The following DPYD variants were observed in gnomAD, a reference collection of about 807,000 sequenced individuals.
The protein encoded by DPYD is dihydropyrimidine dehydrogenase [NADP(+)].
DPYD carries 109 observed loss-of-function variants against 116.2 expected under a neutral mutation model. The observed-to-expected ratio is 0.94, with a 90% CI of 0.80 to 1.10. The LOEUF (loss-of-function observed/expected upper bound fraction) is 1.10, where lower values mean the gene tolerates loss of function less well. Ranked by LOEUF, DPYD falls within the 50% of genes least tolerant of loss-of-function variation. The pLI is 0.00. For missense variants in DPYD, 1,302 were observed against 1,254.5 expected (o/e 1.04, Z -0.57); for synonymous variants, 440 against 432.0 (o/e 1.02, Z -0.23).
At chr1:97,677,911 G>A (rs981075178) in intron 8 of DPYD, among the ~76,000 whole-genome samples, 5 of 152,172 alleles carry the variant, frequency 3.3e-5, no homozygotes, top group Non-Finnish European at 7.3e-5. Flanking sequence ...CTCAGTGTGT[G>A]ATCACTTAAA....
chr1:97,351,924 C>G (rs985762314), intron 16 of DPYD, among the ~76,000 whole-genome samples: 15 of 152,088 alleles, frequency 9.9e-5, no homozygotes, highest in African/African-American at 2.7e-4. Flanking sequence ...CTATACATCT[C>G]AATTCAATTT....
At chr1:97,896,787 T>C (rs1673093098) in intron 1 of DPYD, among the ~76,000 whole-genome samples, 1 of 151,928 alleles carries the variant, frequency 6.6e-6, no homozygotes, top group African/African-American at 2.4e-5. Flanking sequence ...ACATGTCATA[T>C]AAATGGAATC....
At chr1:97,501,811 C>T (rs372531407) in intron 13 of DPYD, among the ~76,000 whole-genome samples, 20 of 152,036 alleles carry the variant, frequency 1.3e-4, no homozygotes, top group Middle Eastern at 3.4e-3. Flanking sequence ...GAGTCAGCTA[C>T]GAAGAAATCA....
intron 19 of DPYD, among the ~76,000 whole-genome samples, chr1:97,219,340 TG>T (rs1415667075): frequency 6.6e-6 from 1 of 152,230 alleles, no homozygotes. Context: ...TCTGAACCCT[TG>T]GGAAAATTTT....
chr1:97,700,171 G>A (rs1216640653), intron 5 of DPYD: 1 of 454,026 alleles, frequency 2.2e-6, no homozygotes, highest in East Asian at 7.0e-5. Flanking sequence ...TTTCCCCTGA[G>A]GGATTTGCGA....
At chr1:97,619,845 G>T (rs1416465587) in intron 8 of DPYD, among the ~76,000 whole-genome samples, 2 of 152,052 alleles carry the variant, frequency 1.3e-5, no homozygotes, top group Non-Finnish European at 2.9e-5. Context: ...ATTGCCAGTG[G>T]CATTTGTGCC....
intron 13 of DPYD, among the ~76,000 whole-genome samples, chr1:97,483,282 T>G (rs1297701989): frequency 6.6e-6 from 1 of 152,216 alleles, no homozygotes; most frequent in Non-Finnish European, 1.5e-5. Context: ...GTGTTCACTT[T>G]CTTCATTTAT....
chr1:97,586,465 C>CATATATATATAT (rs57301424), intron 10 of DPYD, among the ~76,000 whole-genome samples: 3 of 34,316 alleles, frequency 8.7e-5, no homozygotes, highest in African/African-American at 9.7e-5. Context: ...TACATACATA[C>CATATATATATAT]ATATATATAT....
At chr1:97,118,396 C>A (rs1361562831) in intron 20 of DPYD, among the ~76,000 whole-genome samples, 1 of 151,212 alleles carries the variant, frequency 6.6e-6, no homozygotes, top group Non-Finnish European at 1.5e-5. Flanking sequence ...TTCTTTTTAA[C>A]ATTTTTTTTT....
chr1:97,646,263 T>C (rs1658251437), intron 8 of DPYD, among the ~76,000 whole-genome samples: 1 of 152,082 alleles, frequency 6.6e-6, no homozygotes. Flanking sequence ...TTTGATTGTT[T>C]CCTTTGGTTA....
intron 13 of DPYD, among the ~76,000 whole-genome samples, chr1:97,485,806 G>A (rs1678602003): frequency 6.6e-6 from 1 of 152,152 alleles, no homozygotes; most frequent in Non-Finnish European, 1.5e-5. Context: ...AGTTGGCTAA[G>A]TAACTTACAA....
intron 21 of DPYD, among the ~76,000 whole-genome samples, chr1:97,094,809 A>C (rs182941746): frequency 1.4e-4 from 21 of 152,254 alleles, no homozygotes; most frequent in Admixed American, 3.9e-4. Context: ...GGAAGCAGAG[A>C]GGTGAATACA....
intron 11 of DPYD, among the ~76,000 whole-genome samples, chr1:97,567,321 C>A (rs1471066861): frequency 6.7e-6 from 1 of 148,620 alleles, no homozygotes; most frequent in Non-Finnish European, 1.5e-5. Context: ...GATTTAAAAA[C>A]CTTTTTTTTT....
chr1:97,429,165 C>A (rs1675035504), intron 14 of DPYD, among the ~76,000 whole-genome samples: 3 of 151,788 alleles, frequency 2.0e-5, no homozygotes, highest in African/African-American at 7.3e-5. Context: ...AACTATTAAC[C>A]AGGGTAACCT....
chr1:97,758,634 T>C (rs1358634414), intron 3 of DPYD, among the ~76,000 whole-genome samples: 1 of 152,200 alleles, frequency 6.6e-6, no homozygotes, highest in African/African-American at 2.4e-5. Flanking sequence ...ATATAGAATG[T>C]TTCCAGCTTC....
chr1:97,695,769 A>G (rs1286788901), intron 6 of DPYD, among the ~76,000 whole-genome samples: 7 of 152,136 alleles, frequency 4.6e-5, no homozygotes, highest in African/African-American at 1.7e-4. Flanking sequence ...AACTAAAGGA[A>G]GAATGAATTT....
intron 11 of DPYD, among the ~76,000 whole-genome samples, chr1:97,566,908 A>G (rs1377781351): frequency 1.3e-5 from 2 of 152,194 alleles, no homozygotes; most frequent in African/African-American, 4.8e-5. Flanking sequence ...TTACATTTTA[A>G]TAAGGAGTAA....
At chr1:97,795,131 G>A (rs971225664) in intron 3 of DPYD, among the ~76,000 whole-genome samples, 13 of 152,014 alleles carry the variant, frequency 8.6e-5, no homozygotes, top group Non-Finnish European at 1.9e-4. Flanking sequence ...TCCAGTTAAA[G>A]TCATACTTCT....
chr1:97,414,221 A>G (rs1674167647), intron 14 of DPYD, among the ~76,000 whole-genome samples: 2 of 152,184 alleles, frequency 1.3e-5, no homozygotes, highest in South Asian at 2.1e-4. Flanking sequence ...ATTTTTGTCT[A>G]GTCTAGGAAA....
Sources: gnomAD v4.1 joint callset for allele counts (sites outside exome capture counted in the v4.1 genomes callset) on GRCh38, gnomAD v4.1.1 for gene constraint, MANE v1.5 for transcripts, NCBI Gene and HGNC (gene_info 2026-07-23, HGNC 2026-07-21) for gene names.